ARL15: variants seen among roughly 807,000 people sequenced by gnomAD.
ARL15 encodes ARF like GTPase 15.
Under a neutral mutation model 25.2 loss-of-function variants are expected in ARL15, and 19 were observed. The observed-to-expected ratio is 0.75, with a 90% CI of 0.53 to 1.10. The LOEUF (loss-of-function observed/expected upper bound fraction) is 1.10. Among genes scored for constraint, ARL15 ranks in the 50% least tolerant of loss-of-function variants. The probability of loss-of-function intolerance (pLI) is 0.00; values close to 1 mark genes in which losing one functional copy is unlikely to be tolerated. For missense variants in ARL15, 220 were observed against 246.0 expected (o/e 0.89, Z 0.71); for synonymous variants, 94 against 86.8 (o/e 1.08, Z -0.46).
At chr5:54,190,968 A>C (rs1467302640) in intron 1 of ARL15, among the ~76,000 whole-genome samples, 13 of 152,172 alleles carry the variant, frequency 8.5e-5, no homozygotes. Context: ...ATATACTCAA[A>C]AGAACTGAAA....
At chr5:53,901,514 A>G (rs1745062610) in intron 4 of ARL15, among the ~76,000 whole-genome samples, 1 of 152,172 alleles carries the variant, frequency 6.6e-6, no homozygotes, top group African/African-American at 2.4e-5. Flanking sequence ...AGGCTTGTAA[A>G]GCTATCAGTA....
At chr5:54,236,090 T>C (rs998223193) in intron 1 of ARL15, among the ~76,000 whole-genome samples, 5 of 152,168 alleles carry the variant, frequency 3.3e-5, no homozygotes, top group Non-Finnish European at 7.3e-5. Flanking sequence ...CAGAACACAA[T>C]GTCTGATTCC....
rs575116424 is a variant in ARL15 at position 54,264,192 on chromosome 5, C to A, written c.48+46240G>T. 2.1e-4 allele frequency among the ~76,000 whole-genome samples: 32 copies of A among 152,184 alleles called. No individual in the cohort carries two copies. The South Asian group carries it at 6.0e-3, about 29-fold the overall frequency. On this transcript the variant is annotated intron_variant, in intron 1 of 4. Coordinates refer to ENST00000504924, the MANE Select transcript of ARL15 (RefSeq NM_019087.3). ...CATTTCACTTGATGAAAATCATATC[C>A]TTTCTCCTCCCTAAAAAACCCCCAT...
At chr5:53,987,434 T>G (rs1056797540) in intron 4 of ARL15, among the ~76,000 whole-genome samples, 5 of 151,784 alleles carry the variant, frequency 3.3e-5, no homozygotes, top group African/African-American at 1.2e-4. Flanking sequence ...GCCCAATCCT[T>G]TTAAGCTTTT....
chr5:53,983,860 C>T (rs1694064), intron 4 of ARL15, among the ~76,000 whole-genome samples: 51,005 of 151,938 alleles, frequency 0.34, 9,082 homozygotes, highest in Middle Eastern at 0.46. Flanking sequence ...ACTTTTAATG[C>T]TCCTCCAAGG....
intron 4 of ARL15, among the ~76,000 whole-genome samples, chr5:53,907,457 CATATAT>C (rs1174664612): frequency 0.024 from 567 of 23,838 alleles, 28 homozygotes; most frequent in East Asian, 0.06. Context: ...CTTAAGAGTT[CATATAT>C]ATATATATAT....
chr5:54,029,544 A>G (rs913051517), intron 4 of ARL15, among the ~76,000 whole-genome samples: 27 of 152,166 alleles, frequency 1.8e-4, no homozygotes, highest in Admixed American at 8.5e-4. Flanking sequence ...AGTAAAATAT[A>G]AAGTATTCAT....
At chr5:54,110,823 T>C (rs573402886) in intron 4 of ARL15, among the ~76,000 whole-genome samples, 86 of 152,218 alleles carry the variant, frequency 5.6e-4, no homozygotes, top group African/African-American at 2.0e-3. Context: ...AGTTATTGTT[T>C]ACAAAATGTT....
intron 4 of ARL15, among the ~76,000 whole-genome samples, chr5:54,079,967 TCACACACACACACACACA>T (rs58908566): frequency 5.0e-4 from 62 of 124,378 alleles, no homozygotes; most frequent in African/African-American, 1.2e-3. Flanking sequence ...TGAGACTCCG[TCACACACACACACACACA>T]CACACACACA....
At chr5:53,897,594 A>C (rs1170515615) in intron 4 of ARL15, among the ~76,000 whole-genome samples, 1 of 152,160 alleles carries the variant, frequency 6.6e-6, no homozygotes, top group Non-Finnish European at 1.5e-5. Context: ...CTAGGGATGG[A>C]ATTCCTGGGT....
At position 54,232,565 on chromosome 5, in the gene ARL15, G is replaced by A. The variant is rs538852363; in HGVS notation, c.49-60637C>T. On this transcript the variant is annotated intron_variant, in intron 1 of 4. Transcript: ENST00000504924. ...AGCAGAGCCTTATGCTGCATTTGGGGGTAAAAATAGAACCAACAGGTAGAA... is the reference window on the plus strand; with the variant it reads ...AGCAGAGCCTTATGCTGCATTTGGGAGTAAAAATAGAACCAACAGGTAGAA... Among the ~76,000 whole-genome samples, 97 of 152,238 alleles carry A rather than the reference G, an allele frequency of 6.4e-4. No individual in the cohort carries two copies. In the South Asian group the frequency reaches 9.1e-3, roughly 14 times the overall value.
chr5:54,190,299 A>G (rs977888384), intron 1 of ARL15, among the ~76,000 whole-genome samples: 1 of 152,034 alleles, frequency 6.6e-6, no homozygotes, highest in African/African-American at 2.4e-5. Flanking sequence ...AGGCTGAGGC[A>G]GAAGAATTGC....
intron 3 of ARL15, among the ~76,000 whole-genome samples, chr5:54,126,654 T>C (rs1182443410): frequency 6.6e-6 from 1 of 152,144 alleles, no homozygotes; most frequent in African/African-American, 2.4e-5. Context: ...CCAGCACAAA[T>C]GGATTAATGC....
At chr5:54,140,437 T>TAGATAGAC (rs1753738645) in intron 3 of ARL15, among the ~76,000 whole-genome samples, 1 of 137,160 alleles carries the variant, frequency 7.3e-6, no homozygotes, top group South Asian at 2.5e-4. Context: ...GATAGATAGA[T>TAGATAGAC]AGATAGATAG....
intron 1 of ARL15, among the ~76,000 whole-genome samples, chr5:54,295,247 A>G (rs1339185358): frequency 6.6e-6 from 1 of 152,240 alleles, no homozygotes. Flanking sequence ...TATTTATGAT[A>G]AAACAGGAAG....
At chr5:53,929,338 A>C (rs989491788) in intron 4 of ARL15, among the ~76,000 whole-genome samples, 6 of 152,194 alleles carry the variant, frequency 3.9e-5, no homozygotes, top group Non-Finnish European at 8.8e-5. Flanking sequence ...TGGTGGTTGT[A>C]GTCATTTGAG....
chr5:54,290,610 T>C (rs1051227906), intron 1 of ARL15, among the ~76,000 whole-genome samples: 2 of 152,174 alleles, frequency 1.3e-5, no homozygotes, highest in Non-Finnish European at 2.9e-5. Flanking sequence ...CCAGCATCAC[T>C]CAATATTTTA....
At chr5:54,129,111 A>C (rs910973179) in intron 3 of ARL15, among the ~76,000 whole-genome samples, 10 of 152,206 alleles carry the variant, frequency 6.6e-5, no homozygotes, top group African/African-American at 1.9e-4. Flanking sequence ...CAACAAAAAA[A>C]CCAATCCCTT....
chr5:53,932,286 G>C (rs761887202), intron 4 of ARL15, among the ~76,000 whole-genome samples: 6 of 152,178 alleles, frequency 3.9e-5, no homozygotes, highest in Non-Finnish European at 8.8e-5. Flanking sequence ...GTGAGAGAAG[G>C]CAGTAGAAAA....
Sources: allele counts gnomAD v4.1 joint callset (sites outside exome capture counted in the v4.1 genomes callset), GRCh38; gene constraint gnomAD v4.1.1; transcripts MANE v1.5; gene names NCBI Gene and HGNC (gene_info 2026-07-23, HGNC 2026-07-21).